GNA15: variants seen among roughly 807,000 people sequenced by gnomAD.
The protein encoded by GNA15 is guanine nucleotide-binding protein subunit alpha-15.
In GNA15, 23 loss-of-function variants were observed where a neutral mutation model predicts 40.1. That is an observed-to-expected ratio of 0.57 (90% CI 0.41 to 0.81). The LOEUF (loss-of-function observed/expected upper bound fraction) is 0.81, where lower values mean the gene tolerates loss of function less well. Ranked by LOEUF, GNA15 falls within the 40% of genes least tolerant of loss-of-function variation. The probability of loss-of-function intolerance (pLI) is 0.00; values close to 1 mark genes in which losing one functional copy is unlikely to be tolerated. For synonymous variants in GNA15, 226 were observed against 210.4 expected, an observed-to-expected ratio of 1.07 and a Z score of -0.64; for missense variants, 522 against 515.8, an observed-to-expected ratio of 1.01 and a Z score of -0.12.
chr19:3,152,590 C>A (rs1914905269), intron 4 of GNA15, among the ~76,000 whole-genome samples: 1 of 152,046 alleles, frequency 6.6e-6, no homozygotes, highest in Admixed American at 6.6e-5. Context: ...CCCAGCAGAG[C>A]AATGGCCAAT....
At chr19:3,145,699 C>T (rs374773931) in intron 1 of GNA15, among the ~76,000 whole-genome samples, 1 of 144,566 alleles carries the variant, frequency 6.9e-6, no homozygotes, top group Non-Finnish European at 1.5e-5. Flanking sequence ...AGGCGCCCAC[C>T]AGCATGCCCC....
Position 3,137,044 on chromosome 19 carries a change from G to A in GNA15, c.145+449G>A, listed in dbSNP as rs963134425. Among the ~76,000 whole-genome samples the A allele has an allele frequency of 8.5e-5, 13 of 152,248 alleles. 1 individual carries two copies. The highest frequency in any genetic ancestry group is 1.9e-4 in the Non-Finnish European group (13 of 68,046). ...CCTTTACCTCCCTGCCATGGCTGGA[G>A]AGGGCTTGTCTAGGGCTCCTTTGGG... On this transcript the variant is annotated intron_variant, in intron 1 of 6. Transcript: ENST00000262958.
intron 6 of GNA15, 27 bp from the exon 7 acceptor site, chr19:3,162,766 C>T: frequency 6.5e-7 from 1 of 1,531,656 alleles, no homozygotes; most frequent in Non-Finnish European, 9.0e-7. Context: ...GGAGGGTCCT[C>T]ACCCCCTTCC....
At chr19:3,149,885 G>T (rs1187476982) in intron 2 of GNA15, 1 of 432,266 alleles carries the variant, frequency 2.3e-6, no homozygotes, top group Non-Finnish European at 4.2e-6. Flanking sequence ...GCCTGGGCTC[G>T]CCCGAGCACA....
intron 1 of GNA15, among the ~76,000 whole-genome samples, chr19:3,139,742 A>T (rs571330092): frequency 4.5e-4 from 68 of 152,110 alleles, no homozygotes; most frequent in Non-Finnish European, 8.4e-4. Flanking sequence ...TACTAAAAAT[A>T]TAAAAAATCA....
chr19:3,148,523 G>C, intron 1 of GNA15, 68 bp from the exon 2 acceptor site: 1 of 1,443,778 alleles, frequency 6.9e-7, no homozygotes, highest in Non-Finnish European at 9.3e-7. Flanking sequence ...GGTGTCTGAC[G>C]TGGGGTTGGG....
intron 1 of GNA15, among the ~76,000 whole-genome samples, chr19:3,143,444 G>A (rs902773148): frequency 2.0e-5 from 3 of 152,260 alleles, no homozygotes; most frequent in Non-Finnish European, 1.5e-5. Flanking sequence ...TTGAGGCCAG[G>A]AGTTCGAGAC....
chr19:3,148,627 A>G lies in GNA15; in HGVS notation c.182A>G (p.Gln61Arg), dbSNP rs762498774. ...AGCGGGAAGAGCACCTTCATCAAGC[A>G]GATGCGGATCATCCACGGCGCCGGC... Reference protein sequence around the residue: ...GESGKSTFIKQMRIIHGAGYS... With the variant: ...GESGKSTFIKRMRIIHGAGYS... Residue 61 changes from glutamine to arginine, a missense_variant, in exon 2 of 7, where the codon CAG (glutamine) becomes CGG (arginine). Coordinates refer to ENST00000262958, the MANE Select transcript of GNA15 (RefSeq NM_002068.4). 31 of 1,587,780 alleles carry G rather than the reference A, an allele frequency of 2.0e-5. No individual in the cohort carries two copies. The highest frequency in any genetic ancestry group is 2.4e-5 in the Non-Finnish European group (28 of 1,166,784).
rs1481774611 is a variant in GNA15, at chr19:3,136,893, G to A, written c.145+298G>A. ...ACCGGGCCCCTGCCGGGCAGGCCCA[G>A]CACGCCCTACCTGTCTGTGTCATGG... On this transcript the variant is annotated intron_variant, in intron 1 of 6. Coordinates refer to ENST00000262958, the MANE Select transcript of GNA15 (RefSeq NM_002068.4). The surrounding 1 kb of genome is among the most constrained non-coding windows in gnomAD (Gnocchi z 4.9). 6.6e-6 allele frequency among the ~76,000 whole-genome samples: 1 copy of A among 152,248 alleles called. No homozygotes were observed. Among genetic ancestry groups the A allele is most frequent in the Non-Finnish European group, 1.5e-5 (1 of 68,042 alleles).
In GNA15 at chr19:3,155,786, C is replaced by T. The variant is rs753905506; in HGVS notation, c.615-37C>T. 3.1e-6 allele frequency: 5 copies of T among 1,604,888 alleles called. No individual in the cohort carries two copies. Among genetic ancestry groups the T allele is most frequent in the Non-Finnish European group, 4.2e-6 (5 of 1,177,366 alleles). ...GGTTGGGGGTGTCACGGAGCAGGCT[C>T]CTGAGCTCTGAAAGGGGGCACCTCG... On this transcript the variant is annotated intron_variant, in intron 4 of 6. Transcript: ENST00000262958. The surrounding 1 kb of genome is among the most constrained non-coding windows in gnomAD (Gnocchi z 5.6).
At chr19:3,150,733 G>T (rs1914861561) in intron 3 of GNA15, among the ~76,000 whole-genome samples, 2 of 152,108 alleles carry the variant, frequency 1.3e-5, no homozygotes, top group Middle Eastern at 3.4e-3. Flanking sequence ...GTTCCTGGGG[G>T]AACCGTATTC....
At position 3,136,540 on chromosome 19, in the gene GNA15, G is replaced by T; in HGVS notation, c.90G>T (p.Arg30Ser). The T allele has an allele frequency of 6.4e-7, 1 of 1,569,522 alleles. No individual in the cohort carries two copies. The highest frequency in any genetic ancestry group is 8.6e-7 in the Non-Finnish European group (1 of 1,157,500). Residue 30 changes from arginine (R) to serine (S), a missense_variant, in exon 1 of 7, where the codon AGG becomes AGT. Arg to Ser is a moderately radical substitution (Grantham distance 110, BLOSUM62 -1). Transcript: ENST00000262958. The surrounding 1 kb of genome is among the most constrained non-coding windows in gnomAD (Gnocchi z 4.9). ...AAARVDQEIN[R>S]ILLEQKKQDR... ...CCCGGGTGGACCAGGAGATCAACAG[G>T]ATCCTCTTGGAGCAGAAGAAGCAGG...
At chr19:3,159,506 C>T (rs999192793) in intron 6 of GNA15, among the ~76,000 whole-genome samples, 18 of 151,884 alleles carry the variant, frequency 1.2e-4, no homozygotes, top group East Asian at 3.9e-4. Context: ...GCCACCACCC[C>T]GGCTAATTTT....
At chr19:3,146,919 C>G (rs1004074709) in intron 1 of GNA15, among the ~76,000 whole-genome samples, 1 of 152,142 alleles carries the variant, frequency 6.6e-6, no homozygotes, top group African/African-American at 2.4e-5. Flanking sequence ...CCTCTCTCCC[C>G]CTCCTCACTC....
At chr19:3,147,553 A>AAC (rs1914755075) in intron 1 of GNA15, among the ~76,000 whole-genome samples, 1 of 31,868 alleles carries the variant, frequency 3.1e-5, no homozygotes, top group Non-Finnish European at 7.0e-5. Flanking sequence ...TGTCTAAAAA[A>AAC]AAAGAAAAAA....
Position 3,155,794 on chromosome 19 carries a change from C to A in GNA15, c.615-29C>A. The A allele has an allele frequency of 6.2e-7, 1 of 1,607,712 alleles. No homozygotes were observed. The highest frequency in any genetic ancestry group is 8.5e-7 in the Non-Finnish European group (1 of 1,178,314). ...GTGTCACGGAGCAGGCTCCTGAGCT[C>A]TGAAAGGGGGCACCTCGGTTCCCTG... is the stretch of plus-strand genomic sequence containing the variant. On this transcript the variant is annotated intron_variant, in intron 4 of 6. Transcript: ENST00000262958. The surrounding 1 kb of genome is among the most constrained non-coding windows in gnomAD (Gnocchi z 5.6).
At chr19:3,143,425 G>A (rs1381487881) in intron 1 of GNA15, among the ~76,000 whole-genome samples, 1 of 152,174 alleles carries the variant, frequency 6.6e-6, no homozygotes, top group East Asian at 1.9e-4. Flanking sequence ...GCCAAGGCAA[G>A]TGGATCCCTT....
intron 1 of GNA15, among the ~76,000 whole-genome samples, chr19:3,144,630 G>A (rs924920107): frequency 4.6e-5 from 7 of 151,380 alleles, no homozygotes; most frequent in South Asian, 2.1e-4. Flanking sequence ...CCCGGTTCAC[G>A]CCATTCTCCT....
rs1330174483 is a variant in GNA15, at chr19:3,147,036, ATT to A, written c.146-1552_146-1551del. 2.6e-5 allele frequency among the ~76,000 whole-genome samples: 4 copies of A among 151,948 alleles called. No homozygotes were observed. In the East Asian group the frequency reaches 5.8e-4, roughly 22 times the overall value. On this transcript the variant is annotated intron_variant, in intron 1 of 6. Coordinates refer to ENST00000262958, the MANE Select transcript of GNA15 (RefSeq NM_002068.4). ...ACTGTCACCTGGTGTGCCCTCTAAG[ATT>A]TTGACAGCCACCTTCCGGCCTTCAC...
Sources: allele counts gnomAD v4.1 joint callset (sites outside exome capture counted in the v4.1 genomes callset), GRCh38; gene constraint gnomAD v4.1.1; non-coding constraint Gnocchi (gnomAD v3.1); transcripts MANE v1.5; gene names NCBI Gene and HGNC (gene_info 2026-07-23, HGNC 2026-07-21).